Variants in KCNC1 observed in about 807,000 individuals in gnomAD.
The protein encoded by KCNC1 is potassium voltage-gated channel subfamily C member 1.
In KCNC1, 8 loss-of-function variants were observed where a neutral mutation model predicts 43.4. That is an observed-to-expected ratio of 0.18 (90% CI 0.11 to 0.33). The LOEUF (loss-of-function observed/expected upper bound fraction) is 0.33. Ranked by LOEUF, KCNC1 falls within the 10% of genes least tolerant of loss-of-function variation. KCNC1 has a pLI of 1.00. For missense variants in KCNC1, 420 were observed against 836.0 expected (o/e 0.50, Z 6.14); for synonymous variants, 361 against 360.5 (o/e 1.00, Z -0.01).
intron 1 of KCNC1, among the ~76,000 whole-genome samples, chr11:17,764,463 G>T (rs1048372408): frequency 5.9e-5 from 9 of 152,046 alleles, no homozygotes; most frequent in Non-Finnish European, 1.3e-4. Context: ...TTGTGCACAG[G>T]CCTAGAGTCA....
chr11:17,761,395 C>T (rs1401724268), intron 1 of KCNC1, among the ~76,000 whole-genome samples: 4 of 152,238 alleles, frequency 2.6e-5, no homozygotes, highest in African/African-American at 7.2e-5. Flanking sequence ...TGTGCAGGGC[C>T]GCCTCGGCCA....
intron 1 of KCNC1, among the ~76,000 whole-genome samples, chr11:17,760,191 G>A (rs959167719): frequency 6.6e-6 from 1 of 152,140 alleles, no homozygotes; most frequent in Non-Finnish European, 1.5e-5. Context: ...CCAAACCCAG[G>A]TAAAGGATTC....
rs1849345147 is a variant in KCNC1, at chr11:17,781,491, G to A, written c.1694-179G>A. On this transcript the variant is annotated intron_variant, in intron 3 of 3. Coordinates refer to ENST00000265969, the MANE Select transcript of KCNC1 (RefSeq NM_001112741.2). This position sits in a 1 kb window ranked among gnomAD's most constrained non-coding sequence, Gnocchi z 5.1. Reference sequence around the variant, plus strand: ...TCATCCCATTCCCCCAGGAGGGAGAGAAAGAGGCGTGCTAGGCTGGCTCAG... The same window carrying A: ...TCATCCCATTCCCCCAGGAGGGAGAAAAAGAGGCGTGCTAGGCTGGCTCAG... 1 of 581,670 alleles carries A rather than the reference G, an allele frequency of 1.7e-6. No homozygotes were observed. Among genetic ancestry groups the A allele is most frequent in the Admixed American group, 3.0e-5 (1 of 32,992 alleles). The allele number at this position is 581,670 out of a possible 1,614,324, so 36.0% of individuals were successfully genotyped here.
rs577711585 is a variant in KCNC1 at position 17,772,387 on chromosome 11, C to T, written c.1293C>T (p.Pro431=). The T allele has an allele frequency of 4.3e-6, 7 of 1,614,168 alleles. No individual in the cohort carries two copies. The highest frequency in any genetic ancestry group is 4.5e-5 in the East Asian group (2 of 44,874). ...CGGGCGTGCTCACCATCGCCATGCC[C>T]GTGCCCGTCATCGTGAACAATTTCG... ...ALAGVLTIAM[P]VPVIVNNFGM... Residue 431 remains proline, a synonymous_variant, in exon 2 of 4, where the codon CCC becomes CCT. Coordinates refer to ENST00000265969, the MANE Select transcript of KCNC1 (RefSeq NM_001112741.2).
chr11:17,739,167 C>T lies in KCNC1; in HGVS notation c.570+2595C>T, dbSNP rs540820095. ...CACCTTTGTTTACCCCTCCCCCACA[C>T]GGGGCCCCGAGACTCCTCACACCAG... is the stretch of plus-strand genomic sequence containing the variant. On this transcript the variant is annotated intron_variant, in intron 1 of 3. Coordinates refer to ENST00000265969, the MANE Select transcript of KCNC1 (RefSeq NM_001112741.2). This position sits in a 1 kb window ranked among gnomAD's most constrained non-coding sequence, Gnocchi z 4.2. Among the ~76,000 whole-genome samples, 11 of 152,278 alleles carry T rather than the reference C, an allele frequency of 7.2e-5. No homozygotes were observed. The East Asian group carries it at 1.7e-3, about 24-fold the overall frequency.
rs1848811875 is a variant in KCNC1, at chr11:17,739,442, A to C, written c.570+2870A>C. Among the ~76,000 whole-genome samples, 1 of 144,902 alleles carries C rather than the reference A, an allele frequency of 6.9e-6. No individual in the cohort carries two copies. The highest frequency in any genetic ancestry group is 2.6e-5 in the African/African-American group (1 of 38,092). On this transcript the variant is annotated intron_variant, in intron 1 of 3. Coordinates refer to ENST00000265969, the MANE Select transcript of KCNC1 (RefSeq NM_001112741.2). The surrounding 1 kb of genome is among the most constrained non-coding windows in gnomAD (Gnocchi z 4.2). ...TGCGAGCTTCCTGAGTCCTTGTGTC[A>C]GGGGTTGTGTGTGTGAGAGAGGCGG...
At chr11:17,747,662 C>T (rs554302707) in intron 1 of KCNC1, among the ~76,000 whole-genome samples, 15 of 152,198 alleles carry the variant, frequency 9.9e-5, no homozygotes, top group Non-Finnish European at 2.1e-4. Context: ...TTAGCTGGGG[C>T]GGCCCCAGCC....
At chr11:17,761,221 G>T (rs1849074862) in intron 1 of KCNC1, among the ~76,000 whole-genome samples, 1 of 152,216 alleles carries the variant, frequency 6.6e-6, no homozygotes, top group Non-Finnish European at 1.5e-5. Flanking sequence ...CTTGGCTCCT[G>T]GTCCCTTAAC....
At position 17,777,373 on chromosome 11, in the gene KCNC1, G is replaced by A; in HGVS notation, c.1505-2083G>A. The A allele has an allele frequency of 1.0e-6, 1 of 985,884 alleles. No individual in the cohort carries two copies. Among genetic ancestry groups the A allele is most frequent in the Non-Finnish European group, 1.2e-6 (1 of 829,982 alleles). The allele number at this position is 985,884 out of a possible 1,614,324, so 61.1% of individuals were successfully genotyped here. On this transcript the variant is annotated intron_variant, in intron 2 of 3. Coordinates refer to ENST00000265969, the MANE Select transcript of KCNC1 (RefSeq NM_001112741.2). This position sits in a 1 kb window ranked among gnomAD's most constrained non-coding sequence, Gnocchi z 4.3. Reference sequence around the variant, plus strand: ...CCCCTCCCAGAAGGAGACGCTGCCTGGGAGGACCCACTGTTCTCCCCTTGA... The same window carrying A: ...CCCCTCCCAGAAGGAGACGCTGCCTAGGAGGACCCACTGTTCTCCCCTTGA...
In KCNC1 at chr11:17,773,314, A is replaced by T; in HGVS notation, c.1504+716A>T. 1.0e-6 allele frequency: 1 copy of T among 984,872 alleles called. No individual in the cohort carries two copies. The highest frequency in any genetic ancestry group is 1.2e-6 in the Non-Finnish European group (1 of 829,824). The allele number at this position is 984,872 out of a possible 1,614,324, so 61.0% of individuals were successfully genotyped here. Reference sequence around the variant, plus strand: ...TTATCTTTAGGAACCTGTTGAAGTGACTCTAGCTTTCACGTTGTCTGTTTG... The same window carrying T: ...TTATCTTTAGGAACCTGTTGAAGTGTCTCTAGCTTTCACGTTGTCTGTTTG... On this transcript the variant is annotated intron_variant, in intron 2 of 3. Coordinates refer to ENST00000265969, the MANE Select transcript of KCNC1 (RefSeq NM_001112741.2). This position sits in a 1 kb window ranked among gnomAD's most constrained non-coding sequence, Gnocchi z 4.1.
Position 17,779,380 on chromosome 11 carries a change from G to C in KCNC1, c.1505-76G>C. On this transcript the variant is annotated intron_variant, in intron 2 of 3. Coordinates refer to ENST00000265969, the MANE Select transcript of KCNC1 (RefSeq NM_001112741.2). This position sits in a 1 kb window ranked among gnomAD's most constrained non-coding sequence, Gnocchi z 7.2. ...TCAAGCTGCCCTCTGCCAATACCCC[G>C]CTTCTGGCCTGTCCCCCCCTGCCCC... 2.4e-6 allele frequency: 3 copies of C among 1,225,780 alleles called. No individual in the cohort carries two copies. Among genetic ancestry groups the C allele is most frequent in the Middle Eastern group, 2.3e-4 (1 of 4,342 alleles). The allele number at this position is 1,225,780 out of a possible 1,614,324, so 75.9% of individuals were successfully genotyped here. A position where few individuals can be genotyped will look rare whatever the true frequency, so the allele number is the denominator to read the frequency against.
intron 1 of KCNC1, among the ~76,000 whole-genome samples, chr11:17,763,020 G>A (rs933182718): frequency 1.3e-5 from 2 of 152,324 alleles, no homozygotes; most frequent in African/African-American, 4.8e-5. Context: ...CGCATCTTGG[G>A]ATGAAAGTAC....
At chr11:17,775,201 C>T (rs1034397820) in intron 2 of KCNC1, 7 of 985,638 alleles carry the variant, frequency 7.1e-6, no homozygotes, top group South Asian at 4.7e-5. Flanking sequence ...CTAGTGGCCT[C>T]GCCAAAACCT....
intron 1 of KCNC1, among the ~76,000 whole-genome samples, chr11:17,740,525 G>C (rs146092105): frequency 6.6e-6 from 1 of 152,052 alleles, no homozygotes; most frequent in Non-Finnish European, 1.5e-5. Flanking sequence ...TTCCTTGGGG[G>C]CCAGCTCAGG....
In KCNC1 at chr11:17,777,365, C is replaced by T. The variant is rs970684545; in HGVS notation, c.1505-2091C>T. The T allele has an allele frequency of 1.2e-5, 12 of 985,750 alleles. No homozygotes were observed. The African/African-American group carries it at 1.6e-4, about 13-fold the overall frequency. 61.1% of individuals were successfully genotyped at this position (985,750 alleles called of 1,614,324 possible). A position where few individuals can be genotyped will look rare whatever the true frequency, so the allele number is the denominator to read the frequency against. On this transcript the variant is annotated intron_variant, in intron 2 of 3. Transcript: ENST00000265969. This position sits in a 1 kb window ranked among gnomAD's most constrained non-coding sequence, Gnocchi z 4.3. ...TCCTCACTCCCCTCCCAGAAGGAGA[C>T]GCTGCCTGGGAGGACCCACTGTTCT...
At chr11:17,775,494 C>T in intron 2 of KCNC1, 21 of 985,522 alleles carry the variant, frequency 2.1e-5, no homozygotes, top group Non-Finnish European at 2.5e-5. Flanking sequence ...TGTAGGACCT[C>T]TTGGGGGATG....
At chr11:17,756,746 G>A (rs925617227) in intron 1 of KCNC1, among the ~76,000 whole-genome samples, 4 of 152,132 alleles carry the variant, frequency 2.6e-5, no homozygotes, top group African/African-American at 4.8e-5. Context: ...GTTGGGGGGC[G>A]GGGGTGTGTG....
intron 1 of KCNC1, among the ~76,000 whole-genome samples, chr11:17,750,194 C>T (rs542215535): frequency 5.9e-5 from 9 of 152,294 alleles, no homozygotes; most frequent in African/African-American, 2.2e-4. Context: ...CCCCCAGCAC[C>T]GTGGCTGGCA....
intron 1 of KCNC1, among the ~76,000 whole-genome samples, chr11:17,740,445 G>A: frequency 6.6e-6 from 1 of 152,132 alleles, no homozygotes; most frequent in East Asian, 1.9e-4. Context: ...AGAGGGCAGG[G>A]GGGTCATAGA....
Sources: gnomAD v4.1 joint callset for allele counts (sites outside exome capture counted in the v4.1 genomes callset) on GRCh38, gnomAD v4.1.1 for gene constraint, Gnocchi (gnomAD v3.1) non-coding constraint, MANE v1.5 for transcripts, NCBI Gene and HGNC (gene_info 2026-07-23, HGNC 2026-07-21) for gene names.